Variants in ESRP1 observed in about 807,000 individuals in gnomAD.
ESRP1 encodes the protein RNA-binding motif protein 35A.
A neutral mutation model predicts 81.7 loss-of-function variants in ESRP1; 33 were observed. The ratio of observed to expected loss-of-function variants is 0.40; its 90% CI spans 0.31 to 0.54. The LOEUF (loss-of-function observed/expected upper bound fraction) is 0.54, where lower values mean the gene tolerates loss of function less well. Ranked by LOEUF, ESRP1 falls within the 20% of genes least tolerant of loss-of-function variation. The probability of loss-of-function intolerance (pLI) is 0.41; values close to 1 mark genes in which losing one functional copy is unlikely to be tolerated. For missense variants in ESRP1, 672 were observed against 833.1 expected (o/e 0.81, Z 2.38); for synonymous variants, 320 against 303.3 (o/e 1.06, Z -0.57).
At chr8:94,705,903 C>CTTTTTT in intron 15 of ESRP1, 22 bp from the exon 16 acceptor site, 5 of 1,368,436 alleles carry the variant, frequency 3.7e-6, no homozygotes, top group Admixed American at 2.8e-5. Flanking sequence ...CTTTTATTCA[C>CTTTTTT]TTTTTTTTTT....
At chr8:94,696,419 C>T (rs1041579184) in intron 14 of ESRP1, among the ~76,000 whole-genome samples, 3 of 152,214 alleles carry the variant, frequency 2.0e-5, no homozygotes, top group African/African-American at 7.2e-5. Flanking sequence ...ACTGATATTA[C>T]AAATACATCT....
Position 94,643,425 on chromosome 8 carries a change from G to A in ESRP1, c.375+9G>A. On this transcript the variant is annotated intron_variant, in intron 3 of 15. Transcript: ENST00000433389. ...CTGAGGCTTCCAAGAAGGTAAGAGT[G>A]CTGGCTTCTGGGAAAAAAATGGTTG... The A allele has an allele frequency of 6.3e-7, 1 of 1,593,228 alleles. No homozygotes were observed. The highest frequency in any genetic ancestry group is 8.6e-7 in the Non-Finnish European group (1 of 1,161,342).
intron 3 of ESRP1, among the ~76,000 whole-genome samples, chr8:94,644,403 T>C (rs1420676487): frequency 6.6e-6 from 1 of 152,188 alleles, no homozygotes; most frequent in Non-Finnish European, 1.5e-5. Flanking sequence ...TTTTATTTCG[T>C]TTAATATATT....
chr8:94,684,034 A>G (rs1472062783), intron 13 of ESRP1, among the ~76,000 whole-genome samples: 2 of 152,186 alleles, frequency 1.3e-5, no homozygotes, highest in African/African-American at 4.8e-5. Context: ...TTTGGTAGAG[A>G]TGGAGTTTGT....
intron 4 of ESRP1, among the ~76,000 whole-genome samples, chr8:94,651,616 AT>A (rs35922801): frequency 6.6e-6 from 1 of 150,404 alleles, no homozygotes; most frequent in Non-Finnish European, 1.5e-5. Flanking sequence ...GGGTTTAGGA[AT>A]TTTTTTTTCT....
chr8:94,647,214 T>G (rs1817897553), intron 4 of ESRP1, among the ~76,000 whole-genome samples: 1 of 152,212 alleles, frequency 6.6e-6, no homozygotes, highest in Non-Finnish European at 1.5e-5. Flanking sequence ...TTCATTTGCC[T>G]TCTTCTTGGA....
At chr8:94,663,144 G>A (rs1895874) in intron 6 of ESRP1, among the ~76,000 whole-genome samples, 72,071 of 151,976 alleles carry the variant, frequency 0.47, 18,413 homozygotes, top group East Asian at 0.76. Flanking sequence ...CAAACTATCC[G>A]ATCTTTCATT....
At chr8:94,704,802 A>C (rs1206031055) in intron 15 of ESRP1, among the ~76,000 whole-genome samples, 1 of 144,366 alleles carries the variant, frequency 6.9e-6, no homozygotes, top group African/African-American at 2.5e-5. Flanking sequence ...AACTGCAGTG[A>C]GCTATGATTG....
chr8:94,701,508 C>T (rs1257765329), intron 15 of ESRP1, among the ~76,000 whole-genome samples: 1 of 152,090 alleles, frequency 6.6e-6, no homozygotes, highest in African/African-American at 2.4e-5. Context: ...GATTGGGTGT[C>T]GGGCTGGAAG....
intron 13 of ESRP1, chr8:94,688,279 C>T (rs1273421260): frequency 6.0e-6 from 1 of 166,396 alleles, no homozygotes; most frequent in African/African-American, 2.4e-5. Flanking sequence ...TCAACAATGT[C>T]AAAACAAGAG....
chr8:94,669,315 T>A (rs1819187221), intron 10 of ESRP1, among the ~76,000 whole-genome samples: 1 of 152,206 alleles, frequency 6.6e-6, no homozygotes, highest in South Asian at 2.1e-4. Flanking sequence ...TTCATATGAT[T>A]CCACAGGTCT....
chr8:94,699,875 C>A (rs1348154736), intron 15 of ESRP1, among the ~76,000 whole-genome samples: 2 of 146,526 alleles, frequency 1.4e-5, no homozygotes, highest in African/African-American at 5.2e-5. Context: ...AACCTTGTTT[C>A]TTTCCCCTTA....
intron 13 of ESRP1, among the ~76,000 whole-genome samples, chr8:94,678,973 T>A (rs73695511): frequency 0.02 from 3,098 of 152,304 alleles, 96 homozygotes; most frequent in African/African-American, 0.07. Context: ...GTTGGGAGAC[T>A]GAATGTTAGT....
intron 13 of ESRP1, among the ~76,000 whole-genome samples, chr8:94,684,023 T>G (rs1586237542): frequency 6.6e-6 from 1 of 152,156 alleles, no homozygotes; most frequent in East Asian, 1.9e-4. Flanking sequence ...AATTTTGTAT[T>G]TTTGGTAGAG....
intron 15 of ESRP1, among the ~76,000 whole-genome samples, chr8:94,704,636 C>T (rs1322311917): frequency 6.6e-6 from 1 of 151,724 alleles, no homozygotes; most frequent in East Asian, 1.9e-4. Context: ...TAGTGGTGTG[C>T]CTGTAGTCCC....
Position 94,674,377 on chromosome 8 carries a change from T to G in ESRP1, c.1522T>G (p.Cys508Gly), listed in dbSNP as rs1368881517. 1.2e-6 allele frequency: 2 copies of G among 1,613,916 alleles called. No individual in the cohort carries two copies. Among genetic ancestry groups the G allele is most frequent in the East Asian group, 2.2e-5 (1 of 44,888 alleles). The change falls in exon 12 of 16, where the codon TGT becomes GGT. Residue 508 changes from cysteine (C) to glycine (G), a missense_variant. Coordinates refer to ENST00000433389, the MANE Select transcript of ESRP1 (RefSeq NM_017697.4). ...ADRAFMAAQK[C>G]HKKNMKDRYV... ...CAGAGCATTTATGGCTGCACAGAAG[T>G]GTCATAAAAAAAACATGAAGGACAG... is the stretch of plus-strand genomic sequence containing the variant.
chr8:94,665,692 C>T lies in ESRP1; in HGVS notation c.931+496C>T, dbSNP rs1818983771. On this transcript the variant is annotated intron_variant, in intron 9 of 15. Transcript: ENST00000433389. ...ATTTTTAATAGAGATGGGGTTTCACCATGTTGGCCAAGCTGGTCTGGAACC... is the reference window on the plus strand; with the variant it reads ...ATTTTTAATAGAGATGGGGTTTCACTATGTTGGCCAAGCTGGTCTGGAACC... 3.3e-5 allele frequency among the ~76,000 whole-genome samples: 5 copies of T among 152,252 alleles called. No homozygotes were observed. The South Asian group carries it at 8.3e-4, about 25-fold the overall frequency.
chr8:94,693,266 A>G (rs891637156), intron 14 of ESRP1, among the ~76,000 whole-genome samples: 54 of 150,608 alleles, frequency 3.6e-4, no homozygotes, highest in African/African-American at 9.3e-4. Flanking sequence ...GATAACCTGG[A>G]AAAAAAAAAT....
intron 6 of ESRP1, among the ~76,000 whole-genome samples, chr8:94,662,767 C>T (rs1818814605): frequency 1.3e-5 from 2 of 152,102 alleles, no homozygotes; most frequent in South Asian, 4.1e-4. Context: ...GCTACCATAC[C>T]TGGCTAATTT....
Sources: allele counts gnomAD v4.1 joint callset (sites outside exome capture counted in the v4.1 genomes callset), GRCh38; gene constraint gnomAD v4.1.1; transcripts MANE v1.5; gene names NCBI Gene and HGNC (gene_info 2026-07-23, HGNC 2026-07-21).